The following PCDH9 variants were observed in gnomAD, a reference collection of about 807,000 sequenced individuals.
The protein encoded by PCDH9 is protocadherin-9.
Under a neutral mutation model 70.6 loss-of-function variants are expected in PCDH9, and 24 were observed. The observed-to-expected ratio is 0.34, with a 90% CI of 0.25 to 0.48. The LOEUF is 0.48. Ranked by LOEUF, PCDH9 falls within the 20% of genes least tolerant of loss-of-function variation. The probability of loss-of-function intolerance (pLI) is 0.99; values close to 1 mark genes in which losing one functional copy is unlikely to be tolerated. For synonymous variants in PCDH9, 562 were observed against 558.5 expected, an observed-to-expected ratio of 1.01 and a Z score of -0.09; for missense variants, 1,281 against 1,503.6, an observed-to-expected ratio of 0.85 and a Z score of 2.45.
chr13:66,434,095 A>G (rs552945163), intron 4 of PCDH9, among the ~76,000 whole-genome samples: 1 of 151,944 alleles, frequency 6.6e-6, no homozygotes, highest in African/African-American at 2.4e-5. Flanking sequence ...ATAGAAATAT[A>G]TACAATGTAA....
At chr13:66,755,896 G>A (rs1478293671) in intron 3 of PCDH9, among the ~76,000 whole-genome samples, 1 of 152,190 alleles carries the variant, frequency 6.6e-6, no homozygotes, top group African/African-American at 2.4e-5. Context: ...TCCAGATGGC[G>A]ATAGATCAGG....
chr13:66,922,475 T>C (rs925134332), intron 2 of PCDH9, among the ~76,000 whole-genome samples: 6 of 151,412 alleles, frequency 4.0e-5, no homozygotes, highest in Admixed American at 2.6e-4. Flanking sequence ...AGACATTTTG[T>C]ATCTTTAATT....
At chr13:67,157,804 G>A (rs896945972) in intron 2 of PCDH9, among the ~76,000 whole-genome samples, 1 of 152,196 alleles carries the variant, frequency 6.6e-6, no homozygotes, top group African/African-American at 2.4e-5. Context: ...CTAGCACGCA[G>A]ATAGATTTTT....
chr13:66,816,235 A>G (rs2080602655), intron 3 of PCDH9, among the ~76,000 whole-genome samples: 1 of 152,204 alleles, frequency 6.6e-6, no homozygotes, highest in South Asian at 2.1e-4. Flanking sequence ...TAAATGTTAA[A>G]TGTGCAGAAT....
At chr13:66,818,291 C>A (rs1223125435) in intron 3 of PCDH9, among the ~76,000 whole-genome samples, 1 of 151,996 alleles carries the variant, frequency 6.6e-6, no homozygotes, top group Admixed American at 6.6e-5. Context: ...CTAAAAATTC[C>A]ATTTTATATT....
intron 4 of PCDH9, among the ~76,000 whole-genome samples, chr13:66,415,902 C>G (rs1464552791): frequency 6.6e-6 from 1 of 152,026 alleles, no homozygotes; most frequent in Non-Finnish European, 1.5e-5. Context: ...CATAATACTT[C>G]CCTTTTTAAA....
intron 3 of PCDH9, among the ~76,000 whole-genome samples, chr13:66,664,094 A>C (rs2078059115): frequency 6.6e-6 from 1 of 152,212 alleles, no homozygotes; most frequent in African/African-American, 2.4e-5. Flanking sequence ...TGCCACATAC[A>C]AAGTGTGATA....
intron 4 of PCDH9, among the ~76,000 whole-genome samples, chr13:66,391,752 G>C (rs1425350444): frequency 6.6e-6 from 1 of 151,876 alleles, no homozygotes; most frequent in Non-Finnish European, 1.5e-5. Flanking sequence ...CAGTTTATGA[G>C]TGCCATGAAA....
intron 3 of PCDH9, among the ~76,000 whole-genome samples, chr13:66,745,080 A>C (rs558980081): frequency 5.8e-4 from 89 of 152,166 alleles, no homozygotes; most frequent in Non-Finnish European, 1.2e-3. Context: ...CAGTTTTCTC[A>C]TCTGAAAAAC....
chr13:66,619,470 ACACTGATTTTATAGTTCAAAATT>A (rs1166861724), intron 4 of PCDH9, among the ~76,000 whole-genome samples: 1 of 152,202 alleles, frequency 6.6e-6, no homozygotes, highest in Non-Finnish European at 1.5e-5. Context: ...TAAGTGTGTA[ACACTGATTTTATAGTTCAAAATT>A]CACCATGGTC....
At chr13:66,862,863 A>AT (rs555861017) in intron 3 of PCDH9, among the ~76,000 whole-genome samples, 203 of 152,090 alleles carry the variant, frequency 1.3e-3, no homozygotes, top group African/African-American at 4.1e-3. Flanking sequence ...AGATAGCATA[A>AT]TTTTTTTTAA....
At position 67,192,883 on chromosome 13, in the gene PCDH9, C is replaced by T. The variant is rs374393337; in HGVS notation, c.3036+32522G>A. On this transcript the variant is annotated intron_variant, in intron 2 of 4. Transcript: ENST00000377865. Reference sequence around the variant, plus strand: ...ACTCTGTTTTTATAAGGACAGTTCACGTAAGATACTATTATCTTTCAACGA... The same window carrying T: ...ACTCTGTTTTTATAAGGACAGTTCATGTAAGATACTATTATCTTTCAACGA... Among the ~76,000 whole-genome samples the T allele has an allele frequency of 2.6e-4, 40 of 152,206 alleles. No homozygotes were observed. In the South Asian group the frequency reaches 4.6e-3, roughly 17 times the overall value.
At chr13:66,534,441 T>A (rs1436939103) in intron 4 of PCDH9, among the ~76,000 whole-genome samples, 1 of 152,126 alleles carries the variant, frequency 6.6e-6, no homozygotes, top group Non-Finnish European at 1.5e-5. Context: ...TGCTGATTTA[T>A]CTTTGTATCC....
At chr13:66,668,153 G>C (rs2139032179) in intron 3 of PCDH9, among the ~76,000 whole-genome samples, 1 of 152,272 alleles carries the variant, frequency 6.6e-6, no homozygotes, top group East Asian at 1.9e-4. Flanking sequence ...AGATTCATGT[G>C]ATCTGAGTAA....
At chr13:66,563,489 T>C (rs2076606990) in intron 4 of PCDH9, among the ~76,000 whole-genome samples, 1 of 152,154 alleles carries the variant, frequency 6.6e-6, no homozygotes, top group Non-Finnish European at 1.5e-5. Flanking sequence ...AGAGCATGTC[T>C]TTTCCCTGCT....
rs185106398 is a variant in PCDH9 at position 67,166,188 on chromosome 13, C to T, written c.3036+59217G>A. 8.0e-4 allele frequency among the ~76,000 whole-genome samples: 121 copies of T among 152,194 alleles called. 1 individual carries two copies. The highest frequency in any genetic ancestry group is 1.1e-3 in the Non-Finnish European group (77 of 67,996). The stretch of plus-strand genomic sequence containing the variant: ...CCACTATAACTCCCTGGCTTCTTAC[C>T]CTGTTTTATTCTCCTTTGATACAAT... On this transcript the variant is annotated intron_variant, in intron 2 of 4. Transcript: ENST00000377865.
chr13:66,934,708 C>CTTTTTTTT (rs1158291293), intron 2 of PCDH9, among the ~76,000 whole-genome samples: 1 of 47,304 alleles, frequency 2.1e-5, no homozygotes, highest in Non-Finnish European at 3.7e-5. Context: ...CATGTGTTTG[C>CTTTTTTTT]TTTTTTTTTT....
At chr13:66,770,144 A>G (rs1407449515) in intron 3 of PCDH9, among the ~76,000 whole-genome samples, 1 of 152,176 alleles carries the variant, frequency 6.6e-6, no homozygotes, top group Non-Finnish European at 1.5e-5. Context: ...CAGAAACAAT[A>G]TTAAATTATT....
intron 2 of PCDH9, among the ~76,000 whole-genome samples, chr13:67,043,702 G>C (rs74559776): frequency 0.12 from 17,657 of 152,098 alleles, 1,114 homozygotes; most frequent in Middle Eastern, 0.16. Context: ...CATAGTTAGA[G>C]CAAATTAGGG....
Sources: gnomAD v4.1 joint callset for allele counts (sites outside exome capture counted in the v4.1 genomes callset) on GRCh38, gnomAD v4.1.1 for gene constraint, MANE v1.5 for transcripts, NCBI Gene and HGNC (gene_info 2026-07-23, HGNC 2026-07-21) for gene names.